Variants in SORD observed in about 807,000 individuals in gnomAD.
SORD encodes the protein (R,R)-butanediol dehydrogenase.
A neutral mutation model predicts 35.6 loss-of-function variants in SORD; 18 were observed. That is an observed-to-expected ratio of 0.51 (90% CI 0.35 to 0.75). The LOEUF (loss-of-function observed/expected upper bound fraction) is 0.75. SORD is among the 30% of genes least tolerant of loss of function. The pLI, the probability that SORD is intolerant of heterozygous loss-of-function variation, is 0.01. For synonymous variants in SORD, 106 were observed against 152.9 expected (o/e 0.69, Z 2.26); for missense variants, 250 against 390.2 (o/e 0.64, Z 3.03).
rs185899200 is a variant in SORD, at chr15:45,070,945, C to A, written c.787-1372C>A. On this transcript the variant is annotated intron_variant, in intron 7 of 8. Transcript: ENST00000267814. ...AATGTGACCCATGGGCCTCACCAGGCCTGAAGCAGTGTCTCTCCTGACGTC... is the reference window on the plus strand; with the variant it reads ...AATGTGACCCATGGGCCTCACCAGGACTGAAGCAGTGTCTCTCCTGACGTC... Among the ~76,000 whole-genome samples, 180 of 152,322 alleles carry A rather than the reference C, an allele frequency of 1.2e-3. 1 individual carries two copies. The highest frequency in any genetic ancestry group is 4.3e-3 in the African/African-American group (177 of 41,568).
chr15:45,065,074 A>G (rs1018054760), intron 4 of SORD, among the ~76,000 whole-genome samples, 197 bp from the exon 5 acceptor site: 1 of 152,246 alleles, frequency 6.6e-6, no homozygotes, highest in Non-Finnish European at 1.5e-5. Context: ...TGGGAATGAT[A>G]GTACCTACCA....
In SORD at chr15:45,041,125, G is replaced by A. The variant is rs541432798; in HGVS notation, c.100+684G>A. 3.9e-5 allele frequency among the ~76,000 whole-genome samples: 6 copies of A among 152,320 alleles called. No individual in the cohort carries two copies. The South Asian group carries it at 1.0e-3, about 26-fold the overall frequency. Reference sequence around the variant, plus strand: ...CATGCTGACGCCCAAGGTGGCATCTGCAACTTCCCAGCTTTGGGTTTCTCA... The same window carrying A: ...CATGCTGACGCCCAAGGTGGCATCTACAACTTCCCAGCTTTGGGTTTCTCA... On this transcript the variant is annotated intron_variant, in intron 2 of 8. Coordinates refer to ENST00000267814, the MANE Select transcript of SORD (RefSeq NM_003104.6).
chr15:45,047,405 C>A (rs1411696923), intron 3 of SORD, among the ~76,000 whole-genome samples: 2 of 152,186 alleles, frequency 1.3e-5, no homozygotes, highest in African/African-American at 2.4e-5. Flanking sequence ...AGGGCCCGAA[C>A]ACTAGTACAG....
At chr15:45,061,335 A>C in intron 4 of SORD, 109 bp downstream of exon 4, 2 of 1,215,424 alleles carry the variant, frequency 1.6e-6, no homozygotes, top group Non-Finnish European at 2.3e-6. Flanking sequence ...AATTCCAAAC[A>C]TGAGGCATCA....
rs1463157133 is a variant in SORD at position 45,074,243 on chromosome 15, G to A, written c.*713G>A. 1 of 147,226 alleles carries A rather than the reference G, an allele frequency of 6.8e-6. No homozygotes were observed. The highest frequency in any genetic ancestry group is 2.0e-4 in the East Asian group (1 of 5,122). The allele number at this position is 147,226 out of a possible 1,614,324, so 9.1% of individuals were successfully genotyped here. A position where few individuals can be genotyped will look rare whatever the true frequency, so the allele number is the denominator to read the frequency against. On this transcript the variant is annotated 3_prime_UTR_variant, in exon 9 of 9. Coordinates refer to ENST00000267814, the MANE Select transcript of SORD (RefSeq NM_003104.6). ...GCCTCTTCTACAGCTTCTGAGAATT[G>A]TGTTATTTCACTTGCCAAGTGAAGG...
chr15:45,052,784 A>T (rs570320419), intron 3 of SORD, among the ~76,000 whole-genome samples: 4 of 152,266 alleles, frequency 2.6e-5, no homozygotes, highest in African/African-American at 9.6e-5. Context: ...CCAGTCATGG[A>T]TAAAAATGAG....
At chr15:45,049,444 C>G (rs964177955) in intron 3 of SORD, among the ~76,000 whole-genome samples, 1 of 152,062 alleles carries the variant, frequency 6.6e-6, no homozygotes, top group Admixed American at 6.6e-5. Flanking sequence ...TTGATAACCT[C>G]TAGGCGAGAA....
intron 3 of SORD, among the ~76,000 whole-genome samples, chr15:45,045,819 C>T (rs1397332786): frequency 1.3e-5 from 2 of 152,036 alleles, no homozygotes; most frequent in Non-Finnish European, 2.9e-5. Flanking sequence ...GCATGAGCAA[C>T]AGAGGGAGAC....
intron 3 of SORD, among the ~76,000 whole-genome samples, chr15:45,051,598 C>G (rs930874923): frequency 6.6e-6 from 1 of 152,170 alleles, no homozygotes; most frequent in African/African-American, 2.4e-5. Flanking sequence ...AGGCAAAAAC[C>G]TTCACTCATT....
intron 1 of SORD, among the ~76,000 whole-genome samples, chr15:45,036,861 G>C (rs1350632453): frequency 1.3e-5 from 2 of 152,218 alleles, no homozygotes; most frequent in Non-Finnish European, 2.9e-5. Flanking sequence ...AACTTTGGTA[G>C]ATGAGAAATA....
intron 3 of SORD, among the ~76,000 whole-genome samples, chr15:45,052,289 G>T (rs1893137859): frequency 6.6e-6 from 1 of 152,206 alleles, no homozygotes; most frequent in Non-Finnish European, 1.5e-5. Context: ...CATAAGGATT[G>T]AATGGCTGTT....
intron 1 of SORD, among the ~76,000 whole-genome samples, chr15:45,035,110 C>A (rs999031314): frequency 6.6e-6 from 1 of 152,116 alleles, no homozygotes; most frequent in African/African-American, 2.4e-5. Context: ...CATGCCTGAC[C>A]CTTCCCCCGA....
intron 3 of SORD, among the ~76,000 whole-genome samples, chr15:45,058,999 A>G (rs1483581030): frequency 2.0e-5 from 3 of 152,088 alleles, no homozygotes; most frequent in African/African-American, 4.8e-5. Flanking sequence ...ATGCCCAAAA[A>G]GGGGAGGAAA....
chr15:45,054,574 A>C (rs577587497), intron 3 of SORD, among the ~76,000 whole-genome samples: 1 of 151,906 alleles, frequency 6.6e-6, no homozygotes, highest in South Asian at 2.1e-4. Flanking sequence ...GGTTGTGAAA[A>C]TTTTCTCCCA....
intron 3 of SORD, among the ~76,000 whole-genome samples, chr15:45,054,331 G>A (rs964628066): frequency 6.6e-6 from 1 of 151,688 alleles, no homozygotes; most frequent in Admixed American, 6.6e-5. Context: ...TTTAATGATT[G>A]CCATTCTAAC....
chr15:45,067,437 T>A (rs1043547796), intron 5 of SORD, among the ~76,000 whole-genome samples: 4 of 152,362 alleles, frequency 2.6e-5, no homozygotes, highest in Middle Eastern at 3.4e-3. Context: ...ATGTAGTTTT[T>A]AAATCATGCT....
intron 3 of SORD, among the ~76,000 whole-genome samples, chr15:45,054,144 T>A (rs943269197): frequency 3.9e-5 from 6 of 152,140 alleles, no homozygotes; most frequent in Non-Finnish European, 5.9e-5. Context: ...ATTTATAGTC[T>A]TTTGGGTATA....
At chr15:45,051,927 T>C (rs1441912259) in intron 3 of SORD, among the ~76,000 whole-genome samples, 1 of 152,230 alleles carries the variant, frequency 6.6e-6, no homozygotes, top group Non-Finnish European at 1.5e-5. Flanking sequence ...TTAGTCAATA[T>C]ATTCAGACAC....
At chr15:45,050,346 G>C (rs941001765) in intron 3 of SORD, among the ~76,000 whole-genome samples, 2 of 152,214 alleles carry the variant, frequency 1.3e-5, no homozygotes, top group African/African-American at 4.8e-5. Flanking sequence ...CTCCCAAAGT[G>C]CTGGGATTAC....
Sources: allele counts gnomAD v4.1 joint callset (sites outside exome capture counted in the v4.1 genomes callset), GRCh38; gene constraint gnomAD v4.1.1; transcripts MANE v1.5; gene names NCBI Gene and HGNC (gene_info 2026-07-23, HGNC 2026-07-21).